The following SHISAL1 variants were observed in gnomAD, a reference collection of about 807,000 sequenced individuals.
The protein encoded by SHISAL1 is shisa like 1, also known as protein shisa-like-1.
SHISAL1 carries 9 observed loss-of-function variants against 22.6 expected under a neutral mutation model. That is an observed-to-expected ratio of 0.40 (90% CI 0.24 to 0.70). SHISAL1 has a LOEUF of 0.70. Ranked by LOEUF, SHISAL1 falls within the 30% of genes least tolerant of loss-of-function variation. SHISAL1 has a pLI of 0.39. For missense variants in SHISAL1, 246 were observed against 270.6 expected, an observed-to-expected ratio of 0.91 and a Z score of 0.64; for synonymous variants, 119 against 115.4, an observed-to-expected ratio of 1.03 and a Z score of -0.20.
chr22:44,307,621 C>A (rs186662062), intron 1 of SHISAL1, among the ~76,000 whole-genome samples: 1 of 152,162 alleles, frequency 6.6e-6, no homozygotes, highest in South Asian at 2.1e-4. Flanking sequence ...CGTTCCTGAA[C>A]GCTCGTTGTT....
At chr22:44,253,840 G>C (rs2055066619) in intron 4 of SHISAL1, among the ~76,000 whole-genome samples, 1 of 151,992 alleles carries the variant, frequency 6.6e-6, no homozygotes, top group Non-Finnish European at 1.5e-5. Context: ...AACTGTGTGT[G>C]TGTGTGTGTG....
chr22:44,312,704 G>GC (rs931794852), intron 1 of SHISAL1, 47 bp downstream of exon 1: 1 of 152,290 alleles, frequency 6.6e-6, no homozygotes, highest in Non-Finnish European at 1.5e-5. Flanking sequence ...GAACAGAGGT[G>GC]CCCCTGCACA....
intron 3 of SHISAL1, among the ~76,000 whole-genome samples, chr22:44,294,355 G>C (rs535418700): frequency 1.3e-5 from 2 of 152,340 alleles, no homozygotes; most frequent in Non-Finnish European, 1.5e-5. Context: ...GCTTCCCCCT[G>C]AGTGAATGCA....
At chr22:44,304,877 C>T (rs572994473) in intron 1 of SHISAL1, among the ~76,000 whole-genome samples, 12 of 152,176 alleles carry the variant, frequency 7.9e-5, no homozygotes, top group Non-Finnish European at 1.3e-4. Flanking sequence ...GGGGCTGCCC[C>T]ACTTCTGTGG....
chr22:44,287,251 C>G (rs2055322640), intron 3 of SHISAL1, among the ~76,000 whole-genome samples: 3 of 152,226 alleles, frequency 2.0e-5, no homozygotes, highest in Admixed American at 2.0e-4. Context: ...AGCCCTGGCG[C>G]CAGCAGTGGC....
intron 4 of SHISAL1, among the ~76,000 whole-genome samples, chr22:44,284,291 A>G (rs79786200): frequency 0.018 from 2,768 of 152,244 alleles, 82 homozygotes; most frequent in African/African-American, 0.064. Context: ...GTAGGTGCAC[A>G]GTTAATCCTT....
intron 4 of SHISAL1, among the ~76,000 whole-genome samples, chr22:44,275,349 C>T (rs1021170973): frequency 2.0e-5 from 3 of 152,246 alleles, no homozygotes; most frequent in African/African-American, 7.2e-5. Flanking sequence ...GCACCATCAC[C>T]TCAATTAAAC....
chr22:44,289,495 T>TGTGTGTGTGTGTGTGTG (rs369474296), intron 3 of SHISAL1, among the ~76,000 whole-genome samples: 5 of 149,632 alleles, frequency 3.3e-5, no homozygotes, highest in East Asian at 1.9e-4. Flanking sequence ...TGTGTGTGTG[T>TGTGTGTGTGTGTGTGTG]TTACTGCCGG....
At chr22:44,313,125 C>T (rs2069575496), upstream of SHISAL1, among the ~76,000 whole-genome samples, 1 of 152,228 alleles carries the variant, frequency 6.6e-6, no homozygotes, top group Non-Finnish European at 1.5e-5. Flanking sequence ...AGAGCACCAG[C>T]AAGAGCCCCA....
chr22:44,278,627 T>C (rs142988982), intron 4 of SHISAL1, among the ~76,000 whole-genome samples: 126 of 152,302 alleles, frequency 8.3e-4, no homozygotes, highest in African/African-American at 2.8e-3. Flanking sequence ...CGCATCTTAA[T>C]GCCCCCCTGA....
chr22:44,291,916 A>T (rs898459843), intron 3 of SHISAL1, among the ~76,000 whole-genome samples: 1 of 152,054 alleles, frequency 6.6e-6, no homozygotes, highest in Non-Finnish European at 1.5e-5. Flanking sequence ...GAAGGAGGGC[A>T]GTACACTTCT....
At chr22:44,305,695 T>C (rs1209641493) in intron 1 of SHISAL1, among the ~76,000 whole-genome samples, 3 of 152,210 alleles carry the variant, frequency 2.0e-5, no homozygotes, top group African/African-American at 7.2e-5. Context: ...CACGCTGTGG[T>C]TGCGCTGGTC....
At chr22:44,311,394 C>T in intron 1 of SHISAL1, among the ~76,000 whole-genome samples, 1 of 152,214 alleles carries the variant, frequency 6.6e-6, no homozygotes. Context: ...CAGTGGATAA[C>T]CATTCCAGTG....
intron 3 of SHISAL1, among the ~76,000 whole-genome samples, chr22:44,293,029 A>G (rs988711037): frequency 6.7e-6 from 1 of 148,250 alleles, no homozygotes; most frequent in African/African-American, 2.5e-5. Context: ...TGGGCTAGAC[A>G]GGGCCCCGGA....
chr22:44,273,570 G>A (rs2055219310), intron 4 of SHISAL1, among the ~76,000 whole-genome samples: 1 of 152,238 alleles, frequency 6.6e-6, no homozygotes, highest in South Asian at 2.1e-4. Flanking sequence ...TCTTGAGCCA[G>A]TGTGATGCAG....
At chr22:44,252,589 GC>G (rs3838168) in intron 4 of SHISAL1, among the ~76,000 whole-genome samples, 10,416 of 149,274 alleles carry the variant, frequency 0.07, 605 homozygotes, top group Admixed American at 0.17. Context: ...AAATGCATCT[GC>G]CATATCAGTA....
the SHISAL1 span, among the ~76,000 whole-genome samples, chr22:44,330,555 G>C: frequency 2.0e-5 from 3 of 152,140 alleles, no homozygotes; most frequent in Non-Finnish European, 4.4e-5. Flanking sequence ...AGCAAGAGTG[G>C]GGGAGACCCT....
chr22:44,299,115 G>A (rs1292939497), intron 2 of SHISAL1, among the ~76,000 whole-genome samples: 4 of 152,188 alleles, frequency 2.6e-5, no homozygotes, highest in Admixed American at 2.6e-4. Context: ...GGCTGTGTGT[G>A]CACTAGGGGC....
At chr22:44,269,653 C>A (rs2055192975) in intron 4 of SHISAL1, among the ~76,000 whole-genome samples, 1 of 151,312 alleles carries the variant, frequency 6.6e-6, no homozygotes. Flanking sequence ...ACAACACACA[C>A]ACAATGTCAC....
Sources: gnomAD v4.1 joint callset for allele counts (sites outside exome capture counted in the v4.1 genomes callset) on GRCh38, gnomAD v4.1.1 for gene constraint, MANE v1.5 for transcripts, NCBI Gene and HGNC (gene_info 2026-07-23, HGNC 2026-07-21) for gene names.